The following CAMTA1 variants were observed in gnomAD, a reference collection of about 807,000 sequenced individuals.
CAMTA1 encodes calmodulin binding transcription activator 1, also known as calmodulin-binding transcription activator 1.
In CAMTA1, 27 loss-of-function variants were observed where a neutral mutation model predicts 170.9. That is an observed-to-expected ratio of 0.16 (90% CI 0.12 to 0.22). CAMTA1 has a LOEUF of 0.22. Among genes scored for constraint, CAMTA1 ranks in the 10% least tolerant of loss-of-function variants. CAMTA1 has a pLI of 1.00. For synonymous variants in CAMTA1, 833 were observed against 891.5 expected (o/e 0.93, Z 1.17); for missense variants, 1,619 against 2,217.2 (o/e 0.73, Z 5.42).
intron 4 of CAMTA1, among the ~76,000 whole-genome samples, chr1:7,166,730 T>C (rs987078065): frequency 6.6e-6 from 1 of 152,178 alleles, no homozygotes; most frequent in South Asian, 2.1e-4. Flanking sequence ...GCATTACAAC[T>C]GTTTTCTTCA....
chr1:6,813,949 A>G (rs1468303845), intron 1 of CAMTA1, among the ~76,000 whole-genome samples: 1 of 152,118 alleles, frequency 6.6e-6, no homozygotes, highest in Non-Finnish European at 1.5e-5. Context: ...AGACGGGACC[A>G]TTTTTCCTTT....
intron 3 of CAMTA1, chr1:6,852,979 A>C (rs934127958): frequency 6.1e-5 from 4 of 66,094 alleles, no homozygotes; most frequent in African/African-American, 2.4e-4. Flanking sequence ...TGCTCTTCTT[A>C]CTACCGTGTT....
At chr1:7,398,185 C>CTATA (rs2089533322) in intron 5 of CAMTA1, among the ~76,000 whole-genome samples, 1 of 46,540 alleles carries the variant, frequency 2.1e-5, no homozygotes, top group African/African-American at 8.7e-5. Flanking sequence ...CTCTCTCTCT[C>CTATA]TCTCTCTCTA....
At chr1:7,024,947 A>C (rs1370038883) in intron 3 of CAMTA1, among the ~76,000 whole-genome samples, 1 of 152,132 alleles carries the variant, frequency 6.6e-6, no homozygotes, top group Non-Finnish European at 1.5e-5. Flanking sequence ...CTGTATGGAT[A>C]ATTTGAAATG....
chr1:7,287,480 C>G (rs1188244277), intron 5 of CAMTA1, among the ~76,000 whole-genome samples: 1 of 152,092 alleles, frequency 6.6e-6, no homozygotes, highest in East Asian at 1.9e-4. Flanking sequence ...TCTCCCTTTC[C>G]TTCTTCTCCT....
intron 7 of CAMTA1, among the ~76,000 whole-genome samples, chr1:7,655,786 TACAC>T (rs1260982380): frequency 6.6e-6 from 1 of 152,158 alleles, no homozygotes; most frequent in Non-Finnish European, 1.5e-5. Flanking sequence ...CGCGCACCTG[TACAC>T]ACACACGTGT....
At position 7,426,791 on chromosome 1, in the gene CAMTA1, C is replaced by T. The variant is rs1422208463; in HGVS notation, c.439-41039C>T. ...CCTGGTTGCAGCATATTAGCTTGCA[C>T]GTGACTTAAAAATAATGGCTTTCGT... On this transcript the variant is annotated intron_variant, in intron 5 of 22. Transcript: ENST00000303635. This position sits in a 1 kb window ranked among gnomAD's most constrained non-coding sequence, Gnocchi z 4.8. 1.3e-5 allele frequency among the ~76,000 whole-genome samples: 2 copies of T among 152,130 alleles called. No homozygotes were observed. The highest frequency in any genetic ancestry group is 2.9e-5 in the Non-Finnish European group (2 of 68,030).
intron 6 of CAMTA1, among the ~76,000 whole-genome samples, chr1:7,491,707 G>T (rs565883842): frequency 2.4e-4 from 37 of 152,278 alleles, no homozygotes; most frequent in Admixed American, 6.5e-4. Context: ...AAAGCAATTT[G>T]GCTGCTTCAA....
chr1:7,702,159 A>C (rs2096448159), intron 11 of CAMTA1, among the ~76,000 whole-genome samples: 1 of 151,794 alleles, frequency 6.6e-6, no homozygotes, highest in African/African-American at 2.4e-5. Context: ...TCCTGACCCC[A>C]ACCCACTCAG....
At chr1:7,110,813 CTG>C (rs1264595486) in intron 4 of CAMTA1, among the ~76,000 whole-genome samples, 4 of 152,242 alleles carry the variant, frequency 2.6e-5, no homozygotes, top group Non-Finnish European at 1.5e-5. Context: ...TTTAGGGACT[CTG>C]TGCGACCTCG....
At chr1:6,868,745 G>T (rs771909954) in intron 3 of CAMTA1, among the ~76,000 whole-genome samples, 14 of 152,188 alleles carry the variant, frequency 9.2e-5, no homozygotes, top group Non-Finnish European at 1.9e-4. Flanking sequence ...TAATATGGGT[G>T]ATAATTTCCC....
chr1:7,525,415 G>C (rs138021574), intron 6 of CAMTA1, among the ~76,000 whole-genome samples: 1 of 152,032 alleles, frequency 6.6e-6, no homozygotes, highest in Non-Finnish European at 1.5e-5. Context: ...CTCCACATCC[G>C]CAGGATGGTA....
chr1:7,596,712 C>A (rs765869552), intron 6 of CAMTA1, among the ~76,000 whole-genome samples: 8 of 152,228 alleles, frequency 5.3e-5, no homozygotes, highest in Non-Finnish European at 8.8e-5. Context: ...CCGCTGGGGA[C>A]AGCCAAATCC....
At chr1:7,439,792 G>A (rs1404313312) in intron 5 of CAMTA1, among the ~76,000 whole-genome samples, 2 of 152,208 alleles carry the variant, frequency 1.3e-5, no homozygotes, top group Non-Finnish European at 1.5e-5. Context: ...GTGAAGGGAG[G>A]GAGAGTGCCG....
At chr1:7,380,145 T>A (rs1033199891) in intron 5 of CAMTA1, among the ~76,000 whole-genome samples, 1 of 152,238 alleles carries the variant, frequency 6.6e-6, no homozygotes, top group Non-Finnish European at 1.5e-5. Context: ...TGTTTTAACA[T>A]ACCTATTATT....
chr1:7,616,583 A>C (rs1451945222), intron 6 of CAMTA1, among the ~76,000 whole-genome samples: 1 of 152,210 alleles, frequency 6.6e-6, no homozygotes, highest in Non-Finnish European at 1.5e-5. Context: ...ACTGGGGGGC[A>C]TTTGGAAGAG....
At chr1:7,513,966 C>T (rs2094243210) in intron 6 of CAMTA1, among the ~76,000 whole-genome samples, 1 of 137,244 alleles carries the variant, frequency 7.3e-6, no homozygotes, top group Non-Finnish European at 1.6e-5. Context: ...CACACACATA[C>T]ACACACAAAC....
At chr1:6,895,239 A>G (rs1445684982) in intron 3 of CAMTA1, among the ~76,000 whole-genome samples, 2 of 152,206 alleles carry the variant, frequency 1.3e-5, no homozygotes, top group African/African-American at 4.8e-5. Flanking sequence ...GAAGGCTGAG[A>G]TTCACTTAAC....
At chr1:7,622,842 C>T (rs764977327) in intron 6 of CAMTA1, among the ~76,000 whole-genome samples, 25 of 152,254 alleles carry the variant, frequency 1.6e-4, no homozygotes, top group Non-Finnish European at 2.9e-4. Flanking sequence ...TCATGGAACT[C>T]GGCCCTCACA....
Sources: gnomAD v4.1 joint callset for allele counts (sites outside exome capture counted in the v4.1 genomes callset) on GRCh38, gnomAD v4.1.1 for gene constraint, Gnocchi (gnomAD v3.1) non-coding constraint, MANE v1.5 for transcripts, NCBI Gene and HGNC (gene_info 2026-07-23, HGNC 2026-07-21) for gene names.